The following DACH2 variants were observed in gnomAD, a reference collection of about 807,000 sequenced individuals.
DACH2 encodes dachshund homolog 2.
DACH2 carries 17 observed loss-of-function variants against 35.8 expected under a neutral mutation model. The observed-to-expected ratio is 0.48, with a 90% CI of 0.33 to 0.71. The LOEUF is 0.71. Ranked by LOEUF, DACH2 falls within the 30% of genes least tolerant of loss-of-function variation. The pLI, the probability that DACH2 is intolerant of heterozygous loss-of-function variation, is 0.02. For missense variants in DACH2, 469 were observed against 472.7 expected (o/e 0.99, Z 0.07); for synonymous variants, 195 against 177.3 (o/e 1.10, Z -0.79).
chrX:86,668,812 G>A (rs963836131), intron 4 of DACH2, among the ~76,000 whole-genome samples: 3 of 111,360 alleles, frequency 2.7e-5, no homozygotes, highest in Non-Finnish European at 3.8e-5. Context: ...TATGCACCTT[G>A]TTTTTAATTT....
intron 2 of DACH2, among the ~76,000 whole-genome samples, chrX:86,474,525 T>A (rs1183754158): frequency 1.8e-5 from 2 of 111,963 alleles, no homozygotes; most frequent in African/African-American, 3.2e-5. Flanking sequence ...CTATTTTGAT[T>A]TGATTTTTCT....
At chrX:86,562,652 A>T (rs867303829) in intron 3 of DACH2, among the ~76,000 whole-genome samples, 1 of 111,743 alleles carries the variant, frequency 8.9e-6, no homozygotes, top group African/African-American at 3.2e-5. Flanking sequence ...TTTTGTGTGT[A>T]TGTATAAAAC....
At chrX:86,225,008 T>G (rs1434260645) in intron 1 of DACH2, among the ~76,000 whole-genome samples, 1 of 111,541 alleles carries the variant, frequency 9.0e-6, no homozygotes, top group African/African-American at 3.3e-5. Context: ...GTTAAGAGAG[T>G]CAGAGATAAC....
At chrX:86,536,480 A>G (rs2038802717) in intron 3 of DACH2, among the ~76,000 whole-genome samples, 1 of 112,247 alleles carries the variant, frequency 8.9e-6, no homozygotes, top group Non-Finnish European at 1.9e-5. Flanking sequence ...AGAGAGTCTG[A>G]CAAGAGGACA....
intron 1 of DACH2, among the ~76,000 whole-genome samples, chrX:86,322,067 C>T (rs780859243): frequency 2.3e-4 from 26 of 110,739 alleles, no homozygotes; most frequent in Middle Eastern, 4.7e-3. Context: ...CCAATGGTTC[C>T]TCCAAAACTT....
chrX:86,260,102 T>C (rs1422888934), intron 1 of DACH2, among the ~76,000 whole-genome samples: 1 of 111,128 alleles, frequency 9.0e-6, no homozygotes, highest in East Asian at 2.8e-4. Flanking sequence ...ATGCTGTCTA[T>C]ACTCTTTTTT....
intron 1 of DACH2, among the ~76,000 whole-genome samples, chrX:86,231,917 C>A (rs781470897): frequency 1.5e-4 from 17 of 111,755 alleles, no homozygotes; most frequent in Non-Finnish European, 1.9e-4. Flanking sequence ...GGCCTCCCTG[C>A]TGCCTTCTCC....
intron 1 of DACH2, among the ~76,000 whole-genome samples, chrX:86,265,513 T>G (rs767681406): frequency 5.4e-5 from 6 of 111,887 alleles, no homozygotes; most frequent in Non-Finnish European, 1.1e-4. Context: ...TCCCAGAAAC[T>G]TTATATTTTA....
intron 1 of DACH2, among the ~76,000 whole-genome samples, chrX:86,294,211 T>C (rs183817236): frequency 0.015 from 1,720 of 111,948 alleles, 42 homozygotes; most frequent in African/African-American, 0.053. Flanking sequence ...TCCAGTTGAT[T>C]GCATCGGCTC....
chrX:86,705,280 G>T (rs2041202469), intron 5 of DACH2, among the ~76,000 whole-genome samples: 1 of 109,353 alleles, frequency 9.1e-6, no homozygotes, highest in African/African-American at 3.3e-5. Flanking sequence ...AGTGGACTTT[G>T]GGGACTCCGG....
intron 2 of DACH2, among the ~76,000 whole-genome samples, chrX:86,393,087 A>G (rs1402549320): frequency 9.9e-5 from 11 of 110,871 alleles, no homozygotes. Context: ...AAAATAAGAA[A>G]TGCTACCCTG....
At chrX:86,817,204 C>T (rs748875899) in intron 11 of DACH2, among the ~76,000 whole-genome samples, 6 of 112,071 alleles carry the variant, frequency 5.4e-5, no homozygotes, top group African/African-American at 1.9e-4. Context: ...TAAAAGCATG[C>T]ATGCTTAACT....
chrX:86,708,817 A>G (rs776870856), intron 5 of DACH2, among the ~76,000 whole-genome samples: 1 of 111,806 alleles, frequency 8.9e-6, no homozygotes, highest in East Asian at 2.8e-4. Flanking sequence ...ATTAGCAACA[A>G]TAATTGAAAT....
At chrX:86,765,398 TAA>T (rs765872346) in intron 7 of DACH2, among the ~76,000 whole-genome samples, 9 of 111,571 alleles carry the variant, frequency 8.1e-5, no homozygotes, top group Admixed American at 5.8e-4. Flanking sequence ...CATATTGTGT[TAA>T]CTTTTATATA....
At chrX:86,461,574 G>T (rs1036709752) in intron 2 of DACH2, among the ~76,000 whole-genome samples, 14 of 110,999 alleles carry the variant, frequency 1.3e-4, no homozygotes, top group African/African-American at 3.3e-5. Flanking sequence ...ATCTTTAAAA[G>T]CTAAACTACA....
chrX:86,624,203 C>G (rs1458778994), intron 3 of DACH2, among the ~76,000 whole-genome samples: 1 of 110,214 alleles, frequency 9.1e-6, no homozygotes, highest in African/African-American at 3.3e-5. Context: ...TTTGAAATTA[C>G]TAGTAGCAGG....
intron 1 of DACH2, among the ~76,000 whole-genome samples, chrX:86,275,131 A>C (rs1019648991): frequency 8.9e-6 from 1 of 112,128 alleles, no homozygotes; most frequent in African/African-American, 3.2e-5. Flanking sequence ...ATGAAGGAGA[A>C]TGTATTGCAA....
intron 2 of DACH2, among the ~76,000 whole-genome samples, chrX:86,407,700 C>A (rs1204744854): frequency 1.8e-5 from 2 of 111,500 alleles, no homozygotes; most frequent in African/African-American, 6.5e-5. Context: ...GGCCTAGAGG[C>A]CCAAAGATTT....
At chrX:86,191,292 C>T (rs1275316460) in intron 1 of DACH2, among the ~76,000 whole-genome samples, 1 of 112,210 alleles carries the variant, frequency 8.9e-6, no homozygotes, top group Non-Finnish European at 1.9e-5. Context: ...GAATACTACA[C>T]TGCCATTAAA....
Sources: gnomAD v4.1 joint callset for allele counts (sites outside exome capture counted in the v4.1 genomes callset) on GRCh38, gnomAD v4.1.1 for gene constraint, MANE v1.5 for transcripts, NCBI Gene and HGNC (gene_info 2026-07-23, HGNC 2026-07-21) for gene names.